The following NTNG1 variants were observed in gnomAD, a reference collection of about 807,000 sequenced individuals.
The protein encoded by NTNG1 is netrin-G1.
A neutral mutation model predicts 54.0 loss-of-function variants in NTNG1; 16 were observed. The observed-to-expected ratio is 0.30, with a 90% CI of 0.20 to 0.45. NTNG1 has a LOEUF of 0.45. Ranked by LOEUF, NTNG1 falls within the 20% of genes least tolerant of loss-of-function variation. The pLI, the probability that NTNG1 is intolerant of heterozygous loss-of-function variation, is 1.00. For synonymous variants in NTNG1, 255 were observed against 263.1 expected, an observed-to-expected ratio of 0.97 and a Z score of 0.30; for missense variants, 530 against 678.7, an observed-to-expected ratio of 0.78 and a Z score of 2.43.
In NTNG1 at chr1:107,279,994, T is replaced by C. The variant is rs1052136180; in HGVS notation, c.247-44288T>C. Among the ~76,000 whole-genome samples, 5 of 151,592 alleles carry C rather than the reference T, an allele frequency of 3.3e-5. No individual in the cohort carries two copies. The South Asian group carries it at 1.0e-3, about 32-fold the overall frequency. ...GGCTTTTGGCCTCCAGTGTTGCTGA[T>C]GGAAAAGTCTGATGACTTCTGAATT... On this transcript the variant is annotated intron_variant, in intron 2 of 7. Transcript: ENST00000370068.
At chr1:107,263,682 C>T (rs1487341022) in intron 2 of NTNG1, among the ~76,000 whole-genome samples, 1 of 152,178 alleles carries the variant, frequency 6.6e-6, no homozygotes, top group Non-Finnish European at 1.5e-5. Flanking sequence ...CATTTCTTGT[C>T]TCCTTACAAG....
intron 3 of NTNG1, among the ~76,000 whole-genome samples, chr1:107,379,969 A>T (rs1671545288): frequency 6.6e-6 from 1 of 152,178 alleles, no homozygotes; most frequent in Admixed American, 6.5e-5. Flanking sequence ...ATCCTCAAAC[A>T]TCTGTTTCTT....
At chr1:107,475,781 G>T (rs941111339) in intron 7 of NTNG1, among the ~76,000 whole-genome samples, 5 of 152,094 alleles carry the variant, frequency 3.3e-5, no homozygotes, top group Non-Finnish European at 5.9e-5. Context: ...GTTGTGGGGG[G>T]TTGTTCTGTA....
chr1:107,461,142 A>G (rs1393099522), intron 7 of NTNG1, among the ~76,000 whole-genome samples: 1 of 152,236 alleles, frequency 6.6e-6, no homozygotes, highest in Non-Finnish European at 1.5e-5. Flanking sequence ...TGTGTTAAGA[A>G]GACATACATA....
intron 7 of NTNG1, among the ~76,000 whole-genome samples, chr1:107,443,706 AAC>A (rs1468711947): frequency 6.6e-6 from 1 of 152,144 alleles, no homozygotes; most frequent in Non-Finnish European, 1.5e-5. Flanking sequence ...GTAGTTGCTA[AAC>A]ATATGATTTC....
intron 2 of NTNG1, among the ~76,000 whole-genome samples, chr1:107,180,073 G>C (rs1656956445): frequency 6.6e-6 from 1 of 152,122 alleles, no homozygotes; most frequent in African/African-American, 2.4e-5. Context: ...AGATTTTTCT[G>C]TCTGAAGATA....
chr1:107,156,882 G>A (rs558260504), intron 2 of NTNG1, among the ~76,000 whole-genome samples: 2 of 152,294 alleles, frequency 1.3e-5, no homozygotes, highest in African/African-American at 4.8e-5. Flanking sequence ...ATTAAGCGAA[G>A]TCAGGCCATC....
intron 7 of NTNG1, among the ~76,000 whole-genome samples, chr1:107,460,665 C>T (rs76795233): frequency 0.024 from 3,596 of 152,180 alleles, 145 homozygotes; most frequent in African/African-American, 0.083. Context: ...TTATACCAAA[C>T]TGGAAATTAG....
chr1:107,403,298 G>A (rs1040870597), intron 4 of NTNG1, among the ~76,000 whole-genome samples: 1 of 152,142 alleles, frequency 6.6e-6, no homozygotes, highest in African/African-American at 2.4e-5. Context: ...GCGTATGGTA[G>A]CATAATAGCC....
chr1:107,453,261 A>T (rs573207228), intron 7 of NTNG1, among the ~76,000 whole-genome samples: 7 of 152,304 alleles, frequency 4.6e-5, no homozygotes, highest in African/African-American at 1.7e-4. Flanking sequence ...GAAGTCTTAT[A>T]CTTCTTTTTC....
chr1:107,463,751 C>T (rs557796316), intron 7 of NTNG1, among the ~76,000 whole-genome samples: 1 of 151,830 alleles, frequency 6.6e-6, no homozygotes, highest in African/African-American at 2.4e-5. Context: ...AAGGCAAGAG[C>T]CCTGATTATG....
At chr1:107,461,064 A>C (rs1677253850) in intron 7 of NTNG1, among the ~76,000 whole-genome samples, 1 of 152,202 alleles carries the variant, frequency 6.6e-6, no homozygotes, top group South Asian at 2.1e-4. Context: ...AGAAGGCTTT[A>C]ATTTATTCAA....
chr1:107,244,793 C>T (rs902071878), intron 2 of NTNG1, among the ~76,000 whole-genome samples: 2 of 152,212 alleles, frequency 1.3e-5, no homozygotes, highest in East Asian at 3.9e-4. Context: ...GTGGCGCGAA[C>T]AGCAGGACCT....
intron 7 of NTNG1, 69 bp downstream of exon 7, chr1:107,436,868 C>G (rs1167252795): frequency 7.0e-7 from 1 of 1,427,760 alleles, no homozygotes; most frequent in Non-Finnish European, 9.7e-7. Context: ...TAGGCCGGTG[C>G]GTGCAGCTTC....
chr1:107,360,593 G>A (rs1236203346), intron 3 of NTNG1, among the ~76,000 whole-genome samples: 2 of 152,180 alleles, frequency 1.3e-5, no homozygotes, highest in Admixed American at 6.5e-5. Flanking sequence ...TGAATGGATA[G>A]TCTCTAATTC....
At chr1:107,331,885 T>C (rs943452054) in intron 3 of NTNG1, among the ~76,000 whole-genome samples, 8 of 151,874 alleles carry the variant, frequency 5.3e-5, no homozygotes, top group Non-Finnish European at 1.2e-4. Flanking sequence ...GCTAAATGGA[T>C]ATTAAACCAT....
chr1:107,434,981 G>A (rs764615618), intron 6 of NTNG1, among the ~76,000 whole-genome samples: 6 of 151,934 alleles, frequency 3.9e-5, no homozygotes, highest in Non-Finnish European at 7.4e-5. Context: ...ACAATGACTG[G>A]GATATATTAT....
At chr1:107,191,609 G>T (rs1244404557) in intron 2 of NTNG1, among the ~76,000 whole-genome samples, 5 of 151,802 alleles carry the variant, frequency 3.3e-5, no homozygotes, top group Non-Finnish European at 7.4e-5. Context: ...TTTGTATAAG[G>T]TGTAAGGAAG....
Position 107,241,370 on chromosome 1 carries a change from A to C in NTNG1, c.247-82912A>C, listed in dbSNP as rs1292330727. ...GACAGGAGACCTCCTGGAACAGCCA[A>C]GCCTGGGTATAAATGGAAAGGAGGA... On this transcript the variant is annotated intron_variant, in intron 2 of 7. Transcript: ENST00000370068. 1.1e-4 allele frequency among the ~76,000 whole-genome samples: 17 copies of C among 152,210 alleles called. 1 individual carries two copies. The South Asian group carries it at 3.5e-3, about 31-fold the overall frequency.
Sources: gnomAD v4.1 joint callset for allele counts (sites outside exome capture counted in the v4.1 genomes callset) on GRCh38, gnomAD v4.1.1 for gene constraint, MANE v1.5 for transcripts, NCBI Gene and HGNC (gene_info 2026-07-23, HGNC 2026-07-21) for gene names.